CAMK1D: variants seen among roughly 807,000 people sequenced by gnomAD.
CAMK1D encodes the protein calcium/calmodulin-dependent protein kinase type 1D.
Under a neutral mutation model 47.7 loss-of-function variants are expected in CAMK1D, and 9 were observed. The observed-to-expected ratio is 0.19, with a 90% confidence interval of 0.11 to 0.33. The LOEUF is 0.33. CAMK1D is among the 10% of genes least tolerant of loss of function. The pLI is 1.00. For synonymous variants in CAMK1D, 184 were observed against 184.9 expected (o/e 0.99, Z 0.04); for missense variants, 291 against 488.7 (o/e 0.60, Z 3.81).
chr10:12,731,083 G>A lies in CAMK1D; in HGVS notation c.300-29865G>A, dbSNP rs1351561762. Among the ~76,000 whole-genome samples, 5 of 152,280 alleles carry A rather than the reference G, an allele frequency of 3.3e-5. No homozygotes were observed. The East Asian group carries it at 5.8e-4, about 18-fold the overall frequency. ...TTGGTTTGGTTTGGTTCGTTTTAAT[G>A]AGAAAAAGTACAGTGTATTTGTGTT... On this transcript the variant is annotated intron_variant, in intron 3 of 10. Transcript: ENST00000619168.
chr10:12,434,005 C>T (rs908272617), intron 1 of CAMK1D, among the ~76,000 whole-genome samples: 3 of 152,146 alleles, frequency 2.0e-5, no homozygotes, highest in African/African-American at 7.2e-5. Flanking sequence ...GGGTCTTGCT[C>T]TATTACCCAG....
At chr10:12,751,530 G>A (rs1301020459) in intron 3 of CAMK1D, among the ~76,000 whole-genome samples, 1 of 152,234 alleles carries the variant, frequency 6.6e-6, no homozygotes, top group African/African-American at 2.4e-5. Flanking sequence ...CCTTCGTGGA[G>A]TTCACAGTCT....
intron 2 of CAMK1D, among the ~76,000 whole-genome samples, chr10:12,652,036 C>T (rs1839987298): frequency 6.6e-6 from 1 of 151,912 alleles, no homozygotes; most frequent in African/African-American, 2.4e-5. Context: ...GCCTCGGCCT[C>T]CCAAAGTGCT....
At chr10:12,591,671 C>T (rs890854690) in intron 2 of CAMK1D, among the ~76,000 whole-genome samples, 2 of 152,218 alleles carry the variant, frequency 1.3e-5, no homozygotes, top group African/African-American at 2.4e-5. Context: ...GTAGGCAGCT[C>T]TAAATCTACA....
intron 4 of CAMK1D, among the ~76,000 whole-genome samples, chr10:12,762,812 C>CCGACCTGG (rs1334723856): frequency 3.9e-5 from 6 of 152,184 alleles, no homozygotes; most frequent in Non-Finnish European, 8.8e-5. Flanking sequence ...GCTAGCTCAG[C>CCGACCTGG]CGACCTGGCA....
At chr10:12,744,160 CTGCGTTTCTTTTTA>C (rs1835558703) in intron 3 of CAMK1D, among the ~76,000 whole-genome samples, 1 of 152,118 alleles carries the variant, frequency 6.6e-6, no homozygotes, top group African/African-American at 2.4e-5. Flanking sequence ...TGTATCAGTA[CTGCGTTTCTTTTTA>C]TGGCTAAAAT....
At chr10:12,821,757 T>G (rs1001572726) in intron 8 of CAMK1D, among the ~76,000 whole-genome samples, 1 of 152,136 alleles carries the variant, frequency 6.6e-6, no homozygotes, top group African/African-American at 2.4e-5. Flanking sequence ...GGCTGATCGC[T>G]GGAGGTCAGG....
intron 1 of CAMK1D, among the ~76,000 whole-genome samples, chr10:12,424,968 C>G (rs1305764495): frequency 2.6e-5 from 4 of 152,310 alleles, no homozygotes; most frequent in Admixed American, 2.6e-4. Context: ...ATGTGTCACT[C>G]TTAAACACTT....
chr10:12,744,869 C>A (rs1354409214), intron 3 of CAMK1D, among the ~76,000 whole-genome samples: 1 of 152,112 alleles, frequency 6.6e-6, no homozygotes, highest in Non-Finnish European at 1.5e-5. Flanking sequence ...CCACTGTACT[C>A]CAGCCTGGGC....
At chr10:12,782,643 G>A (rs1248537473) in intron 5 of CAMK1D, among the ~76,000 whole-genome samples, 3 of 152,170 alleles carry the variant, frequency 2.0e-5, no homozygotes, top group African/African-American at 7.2e-5. Flanking sequence ...CCAGCAGGGG[G>A]GGCATCGCTT....
chr10:12,589,028 GT>G (rs1837918992), intron 2 of CAMK1D, among the ~76,000 whole-genome samples: 2 of 152,106 alleles, frequency 1.3e-5, no homozygotes, highest in South Asian at 4.1e-4. Context: ...TTGAGACAGG[GT>G]CTTGCCCTGT....
At chr10:12,551,756 G>A (rs1410955153) in intron 1 of CAMK1D, among the ~76,000 whole-genome samples, 1 of 152,112 alleles carries the variant, frequency 6.6e-6, no homozygotes. Flanking sequence ...GAAATAAAGT[G>A]CACAAGAAAT....
At chr10:12,599,492 C>T (rs958406327) in intron 2 of CAMK1D, among the ~76,000 whole-genome samples, 1 of 152,174 alleles carries the variant, frequency 6.6e-6, no homozygotes, top group Non-Finnish European at 1.5e-5. Flanking sequence ...AAAGGAGAAA[C>T]CCTCTGGGAT....
intron 1 of CAMK1D, among the ~76,000 whole-genome samples, chr10:12,499,644 A>G (rs759222601): frequency 2.0e-5 from 3 of 152,182 alleles, no homozygotes; most frequent in Non-Finnish European, 4.4e-5. Context: ...CTTCTTCAAC[A>G]CAAGTGCTTG....
At chr10:12,586,594 A>G (rs1341969669) in intron 2 of CAMK1D, among the ~76,000 whole-genome samples, 1 of 152,174 alleles carries the variant, frequency 6.6e-6, no homozygotes, top group Non-Finnish European at 1.5e-5. Flanking sequence ...ATCCAGGATT[A>G]GCCTGACCCA....
At chr10:12,483,551 A>G (rs1233661189) in intron 1 of CAMK1D, among the ~76,000 whole-genome samples, 2 of 151,764 alleles carry the variant, frequency 1.3e-5, no homozygotes, top group Non-Finnish European at 2.9e-5. Flanking sequence ...TTTTGTAGAG[A>G]TGTGGTCTTG....
At chr10:12,603,942 C>A (rs7902334) in intron 2 of CAMK1D, among the ~76,000 whole-genome samples, 139,719 of 152,176 alleles carry the variant, frequency 0.92, 64,739 homozygotes, top group Non-Finnish European at 0.99. Flanking sequence ...GTTTGCAGCA[C>A]CTGCCTAAGC....
At chr10:12,720,985 G>C (rs930403332) in intron 3 of CAMK1D, among the ~76,000 whole-genome samples, 4 of 152,234 alleles carry the variant, frequency 2.6e-5, no homozygotes, top group African/African-American at 9.6e-5. Flanking sequence ...ACAAGGCTTT[G>C]TGTGAGATGA....
At chr10:12,718,663 C>A (rs1462034867) in intron 3 of CAMK1D, among the ~76,000 whole-genome samples, 1 of 152,156 alleles carries the variant, frequency 6.6e-6, no homozygotes, top group Non-Finnish European at 1.5e-5. Flanking sequence ...TTTGTTTCTT[C>A]GTTTAATGAT....
Sources: allele counts gnomAD v4.1 joint callset (sites outside exome capture counted in the v4.1 genomes callset), GRCh38; gene constraint gnomAD v4.1.1; transcripts MANE v1.5; gene names NCBI Gene and HGNC (gene_info 2026-07-23, HGNC 2026-07-21).